The following CHST8 variants were observed in gnomAD, a reference collection of about 807,000 sequenced individuals.
CHST8 encodes the protein GALNAC-4-ST1.
Under a neutral mutation model 15.0 loss-of-function variants are expected in CHST8, and 10 were observed. That is an observed-to-expected ratio of 0.67 (90% CI 0.41 to 1.13). The LOEUF is 1.13. CHST8 is among the 50% of genes most tolerant of loss of function. CHST8 has a pLI of 0.00. For synonymous variants in CHST8, 259 were observed against 256.6 expected (o/e 1.01, Z -0.09); for missense variants, 634 against 608.2 (o/e 1.04, Z -0.45).
chr19:33,718,756 G>A (rs560796781), intron 3 of CHST8, among the ~76,000 whole-genome samples: 2 of 152,246 alleles, frequency 1.3e-5, no homozygotes, highest in Non-Finnish European at 2.9e-5. Flanking sequence ...AGAGGTCAGA[G>A]CCGCAGCCTG....
intron 3 of CHST8, among the ~76,000 whole-genome samples, chr19:33,700,673 T>C (rs1973314705): frequency 6.6e-6 from 1 of 152,168 alleles, no homozygotes. Context: ...CCAGAATGTC[T>C]TCGTGGGGGT....
intron 3 of CHST8, among the ~76,000 whole-genome samples, chr19:33,715,186 C>T (rs11881351): frequency 0.028 from 4,203 of 152,314 alleles, 185 homozygotes; most frequent in African/African-American, 0.096. Context: ...CTCCCCTTCC[C>T]GACTCGCCCA....
chr19:33,741,121 C>T (rs1033488668), intron 3 of CHST8, among the ~76,000 whole-genome samples: 2 of 152,174 alleles, frequency 1.3e-5, no homozygotes, highest in Admixed American at 6.5e-5. Flanking sequence ...CTTCTTGGTC[C>T]AGCTTAGACC....
intron 3 of CHST8, among the ~76,000 whole-genome samples, chr19:33,691,498 T>C (rs553642053): frequency 6.6e-6 from 1 of 152,354 alleles, no homozygotes; most frequent in Non-Finnish European, 1.5e-5. Flanking sequence ...GATTTGTTAC[T>C]ATTCATTTAT....
At chr19:33,629,557 C>A (rs1161732919) in intron 1 of CHST8, among the ~76,000 whole-genome samples, 1 of 152,250 alleles carries the variant, frequency 6.6e-6, no homozygotes, top group Non-Finnish European at 1.5e-5. Context: ...TCGGCCCTAT[C>A]TACCAGGCTC....
chr19:33,711,233 A>G (rs1382420639), intron 3 of CHST8, among the ~76,000 whole-genome samples: 2 of 152,174 alleles, frequency 1.3e-5, no homozygotes, highest in African/African-American at 2.4e-5. Context: ...TTTGGGAAAG[A>G]AGCTACCAGG....
At chr19:33,757,524 GAAAGAAA>G (rs1974612009) in intron 3 of CHST8, among the ~76,000 whole-genome samples, 1 of 19,236 alleles carries the variant, frequency 5.2e-5, no homozygotes, top group African/African-American at 2.2e-4. Context: ...GAAAGAAAGA[GAAAGAAA>G]GAAAGAAAGA....
At chr19:33,676,678 C>A (rs938676884) in intron 2 of CHST8, among the ~76,000 whole-genome samples, 7 of 152,000 alleles carry the variant, frequency 4.6e-5, no homozygotes, top group African/African-American at 1.2e-4. Context: ...GAGTTTAAGA[C>A]CAGCCTGAGC....
chr19:33,768,029 G>C (rs144009984), intron 3 of CHST8, among the ~76,000 whole-genome samples: 3,152 of 152,256 alleles, frequency 0.021, 52 homozygotes, highest in Non-Finnish European at 0.027. Flanking sequence ...GCCCTTAGCT[G>C]TACTTCCCTG....
rs112093585 is a variant in CHST8, at chr19:33,734,278, A to G, written c.131-37135A>G. ...GTCAAGAAGTTACCCTATATGGTCT[A>G]TAAAGGAGAGGCATGAATAATCCAC... On this transcript the variant is annotated intron_variant, in intron 3 of 4. Coordinates refer to ENST00000650847, the MANE Select transcript of CHST8 (RefSeq NM_001127895.2). 4.9e-3 allele frequency among the ~76,000 whole-genome samples: 754 copies of G among 152,352 alleles called. 6 individuals carry two copies. The highest frequency in any genetic ancestry group is 0.017 in the African/African-American group (721 of 41,578).
chr19:33,703,912 C>T (rs1345206835), intron 3 of CHST8, among the ~76,000 whole-genome samples: 3 of 152,218 alleles, frequency 2.0e-5, no homozygotes, highest in Admixed American at 6.5e-5. Context: ...CAGTTGTGCC[C>T]TCTGACAGCT....
chr19:33,660,627 C>T (rs1363655959), intron 1 of CHST8, among the ~76,000 whole-genome samples: 2 of 152,200 alleles, frequency 1.3e-5, no homozygotes, highest in East Asian at 1.9e-4. Flanking sequence ...GGCAATGACC[C>T]GGAAGTTGCC....
At chr19:33,765,720 C>T (rs1974826457) in intron 3 of CHST8, among the ~76,000 whole-genome samples, 1 of 152,084 alleles carries the variant, frequency 6.6e-6, no homozygotes, top group African/African-American at 2.4e-5. Flanking sequence ...CACCACCATG[C>T]CCAGCTAATT....
intron 1 of CHST8, among the ~76,000 whole-genome samples, chr19:33,650,039 A>G (rs1972413704): frequency 6.6e-6 from 1 of 152,128 alleles, no homozygotes. Context: ...GGTAATGTTT[A>G]TAACTTGGTG....
At chr19:33,740,841 C>T (rs963389012) in intron 3 of CHST8, among the ~76,000 whole-genome samples, 6 of 152,178 alleles carry the variant, frequency 3.9e-5, no homozygotes, top group African/African-American at 1.4e-4. Flanking sequence ...GTTGAGGCCC[C>T]ACTGTAGTCA....
intron 3 of CHST8, among the ~76,000 whole-genome samples, chr19:33,721,524 G>A (rs1973788505): frequency 2.0e-5 from 3 of 151,432 alleles, no homozygotes; most frequent in African/African-American, 2.4e-5. Flanking sequence ...ATGGGTGGAT[G>A]GATGGATAGA....
intron 3 of CHST8, among the ~76,000 whole-genome samples, chr19:33,742,206 G>A (rs141438717): frequency 3.3e-4 from 50 of 152,282 alleles, no homozygotes; most frequent in Non-Finnish European, 5.6e-4. Flanking sequence ...TCTTCTTGGG[G>A]ATGTGGTCTC....
rs1235355742 is a variant in CHST8, at chr19:33,773,350, G to T, written c.*287G>T. ...GCCGACAGTTTTGATGAGCAGGGAA[G>T]TCTGAGGCCCAGAGGACGGGGGGCC... On this transcript the variant is annotated 3_prime_UTR_variant, in exon 5 of 5. Transcript: ENST00000650847. 5 of 459,820 alleles carry T rather than the reference G, an allele frequency of 1.1e-5. No individual in the cohort carries two copies. Among genetic ancestry groups the T allele is most frequent in the Non-Finnish European group, 1.9e-5 (5 of 259,324 alleles). The allele number at this position is 459,820 out of a possible 1,614,324, so 28.5% of individuals were successfully genotyped here. A position where few individuals can be genotyped will look rare whatever the true frequency, so the allele number is the denominator to read the frequency against.
At chr19:33,743,909 A>G (rs1249424038) in intron 3 of CHST8, among the ~76,000 whole-genome samples, 1 of 151,204 alleles carries the variant, frequency 6.6e-6, no homozygotes, top group Non-Finnish European at 1.5e-5. Flanking sequence ...CTCCTGCCTC[A>G]GCCTCCCAAG....
Sources: allele counts gnomAD v4.1 joint callset (sites outside exome capture counted in the v4.1 genomes callset), GRCh38; gene constraint gnomAD v4.1.1; transcripts MANE v1.5; gene names NCBI Gene and HGNC (gene_info 2026-07-23, HGNC 2026-07-21).